GTF3C1: variants seen among roughly 807,000 people sequenced by gnomAD.
GTF3C1 encodes general transcription factor 3C polypeptide 1.
A neutral mutation model predicts 226.7 loss-of-function variants in GTF3C1; 57 were observed. The ratio of observed to expected loss-of-function variants is 0.25; its 90% confidence interval spans 0.20 to 0.31. The LOEUF (loss-of-function observed/expected upper bound fraction) is 0.31. Ranked by LOEUF, GTF3C1 falls within the 10% of genes least tolerant of loss-of-function variation. The pLI, the probability that GTF3C1 is intolerant of heterozygous loss-of-function variation, is 1.00. For synonymous variants in GTF3C1, 1,090 were observed against 1,084.8 expected (o/e 1.00, Z -0.09); for missense variants, 2,217 against 2,776.1 (o/e 0.80, Z 4.53).
chr16:27,509,615 G>A (rs1017067885), intron 7 of GTF3C1, among the ~76,000 whole-genome samples: 4 of 151,794 alleles, frequency 2.6e-5, no homozygotes, highest in East Asian at 1.9e-4. Context: ...AAAATTAGCC[G>A]GGTGTGGTGG....
chr16:27,548,822 T>C lies in GTF3C1; in HGVS notation c.221+848A>G, dbSNP rs77688678. ...GGAGTTTAATCAAGTGAGGATCAAG[T>C]GAGTTTAAGCTCCTAAAGCTTCTAG... On this transcript the variant is annotated intron_variant, in intron 1 of 36. Transcript: ENST00000356183. Among the ~76,000 whole-genome samples the C allele has an allele frequency of 5.3e-3, 814 of 152,278 alleles. 10 individuals carry two copies. The highest frequency in any genetic ancestry group is 0.019 in the African/African-American group (779 of 41,546).
intron 7 of GTF3C1, among the ~76,000 whole-genome samples, chr16:27,510,093 ATAGAAAAT>A (rs2088550729): frequency 6.6e-6 from 1 of 152,168 alleles, no homozygotes; most frequent in Non-Finnish European, 1.5e-5. Flanking sequence ...TACTAAAGAA[ATAGAAAAT>A]TAGTCCGGAC....
chr16:27,546,274 C>A (rs2089160605), intron 1 of GTF3C1, among the ~76,000 whole-genome samples: 1 of 152,100 alleles, frequency 6.6e-6, no homozygotes, highest in South Asian at 2.1e-4. Context: ...AATCCTCAGT[C>A]CTTTTTCTCC....
Position 27,470,203 on chromosome 16 carries a change from G to T in GTF3C1, c.4719C>A (p.Thr1573=), listed in dbSNP as rs778224697. ...GPGGNCVAVL[T]LFSLGLISVD... The stretch of plus-strand genomic sequence containing the variant: ...CAGAAATGAGGCCCAGAGAGAAGAG[G>T]GTCAGGACGGCCACACAATTTCCTC... Residue 1573 remains threonine (T), a synonymous_variant, in exon 31 of 37, where the codon ACC becomes ACA. Coordinates refer to ENST00000356183, the MANE Select transcript of GTF3C1 (RefSeq NM_001520.4). The surrounding 1 kb of genome is among the most constrained non-coding windows in gnomAD (Gnocchi z 4.9). 6.2e-6 allele frequency: 10 copies of T among 1,613,218 alleles called. No homozygotes were observed. The highest frequency in any genetic ancestry group is 1.7e-6 in the Non-Finnish European group (2 of 1,179,274).
At position 27,471,907 on chromosome 16, in the gene GTF3C1, T is replaced by A. The variant is rs769068811; in HGVS notation, c.4367A>T (p.Tyr1456Phe). 1 of 1,613,962 alleles carries A rather than the reference T, an allele frequency of 6.2e-7. No individual in the cohort carries two copies. Among genetic ancestry groups the A allele is most frequent in the Non-Finnish European group, 8.5e-7 (1 of 1,179,962 alleles). The change falls in exon 30 of 37, where the codon TAT (tyrosine) becomes TTT (phenylalanine). Residue 1456 changes from tyrosine (Y) to phenylalanine (F), a missense_variant. This residue lies in a region of GTF3C1 where 546 missense variants were observed against 663.0 expected (regional missense o/e 0.82). Transcript: ENST00000356183. This position sits in a 1 kb window ranked among gnomAD's most constrained non-coding sequence, Gnocchi z 5.0. Reference sequence around the variant, plus strand: ...AAGAACGTGGTCCTTGTACTCCCGATAGAGGCGGAAAGTCTGCAACACAGG... The same window carrying A: ...AAGAACGTGGTCCTTGTACTCCCGAAAGAGGCGGAAAGTCTGCAACACAGG... ...SYQSFQTFRL[Y>F]REYKDHVLVK... is the part of the protein sequence containing the mutation.
At chr16:27,479,331 G>C (rs1367475135) in intron 27 of GTF3C1, among the ~76,000 whole-genome samples, 1 of 151,100 alleles carries the variant, frequency 6.6e-6, no homozygotes, top group East Asian at 1.9e-4. Context: ...TTTTTTTTGA[G>C]TTTCATGTAA....
chr16:27,511,943 A>T, intron 6 of GTF3C1, 42 bp from the exon 7 acceptor site: 1 of 1,609,544 alleles, frequency 6.2e-7, no homozygotes, highest in South Asian at 1.1e-5. Context: ...GAGTGAAAGC[A>T]GTGCTGCGTG....
chr16:27,512,005 A>T (rs2088580926), intron 6 of GTF3C1, 104 bp from the exon 7 acceptor site: 1 of 1,298,866 alleles, frequency 7.7e-7, no homozygotes, highest in South Asian at 1.3e-5. Flanking sequence ...AGAGACAGAG[A>T]TCCCCACAAA....
At chr16:27,478,352 G>T (rs1243751968) in intron 28 of GTF3C1, 117 bp downstream of exon 28, 3 of 737,660 alleles carry the variant, frequency 4.1e-6, no homozygotes, top group East Asian at 2.6e-5. Context: ...GTAAAATTTT[G>T]TTCACACAAA....
At chr16:27,489,785 C>A in intron 19 of GTF3C1, 42 bp from the exon 20 acceptor site, 1 of 1,591,140 alleles carries the variant, frequency 6.3e-7, no homozygotes, top group Non-Finnish European at 8.6e-7. Flanking sequence ...CGCCTTCCTG[C>A]TGCAGCTCTG....
Position 27,461,488 on chromosome 16 carries a change from G to T in GTF3C1, c.6192C>A (p.Pro2064=). 1.9e-6 allele frequency: 3 copies of T among 1,613,860 alleles called. No individual in the cohort carries two copies. The highest frequency in any genetic ancestry group is 2.5e-6 in the Non-Finnish European group (3 of 1,179,794). The change falls in exon 37 of 37, where the codon CCC becomes CCA. Residue 2064 remains proline, a synonymous_variant. Coordinates refer to ENST00000356183, the MANE Select transcript of GTF3C1 (RefSeq NM_001520.4). The surrounding 1 kb of genome is among the most constrained non-coding windows in gnomAD (Gnocchi z 5.3). ...KPRPVSLFST[P]VVEEVEVPSS... ...AGGGCACTTCCACCTCTTCCACCAC[G>T]GGTGTAGAGAAGAGCGAGACAGGCC...
At chr16:27,509,083 T>C (rs542923995) in intron 7 of GTF3C1, among the ~76,000 whole-genome samples, 3 of 152,380 alleles carry the variant, frequency 2.0e-5, no homozygotes, top group South Asian at 4.1e-4. Flanking sequence ...TTAATGTGTA[T>C]TCTTCATTTC....
chr16:27,489,242 G>A (rs1349206885), intron 20 of GTF3C1, 64 bp from the exon 21 acceptor site: 2 of 1,571,044 alleles, frequency 1.3e-6, no homozygotes, highest in African/African-American at 2.7e-5. Context: ...GAGAGCCCAT[G>A]GCATGGGTTG....
At chr16:27,528,539 T>TAGAAGACAGA (rs1181804954) in intron 6 of GTF3C1, 59 bp downstream of exon 6, 24 of 1,377,022 alleles carry the variant, frequency 1.7e-5, no homozygotes, top group Non-Finnish European at 2.3e-5. Flanking sequence ...GGCTGAAGCT[T>TAGAAGACAGA]AGAAGACAGA....
intron 2 of GTF3C1, among the ~76,000 whole-genome samples, chr16:27,544,807 G>T (rs1304668118): frequency 6.6e-6 from 1 of 152,136 alleles, no homozygotes; most frequent in African/African-American, 2.4e-5. Context: ...GAGCACAAAG[G>T]AAAGAGAAAG....
chr16:27,518,169 C>A (rs948841617), intron 6 of GTF3C1, among the ~76,000 whole-genome samples: 1 of 151,906 alleles, frequency 6.6e-6, no homozygotes, highest in Non-Finnish European at 1.5e-5. Context: ...AGTGTTACCT[C>A]CCCACCACCC....
At chr16:27,482,118 TG>T (rs1181425684) in intron 26 of GTF3C1, among the ~76,000 whole-genome samples, 2 of 152,184 alleles carry the variant, frequency 1.3e-5, no homozygotes, top group Non-Finnish European at 2.9e-5. Flanking sequence ...AAGGGCCATG[TG>T]GGTCTATTGC....
chr16:27,466,888 C>G (rs1347034581), intron 32 of GTF3C1, among the ~76,000 whole-genome samples: 1 of 152,222 alleles, frequency 6.6e-6, no homozygotes, highest in East Asian at 1.9e-4. Flanking sequence ...CTCTTCAATT[C>G]TATGAAGGCT....
intron 14 of GTF3C1, among the ~76,000 whole-genome samples, chr16:27,496,530 A>G (rs1346006663): frequency 6.6e-6 from 1 of 152,164 alleles, no homozygotes; most frequent in Non-Finnish European, 1.5e-5. Flanking sequence ...CTCCTGCCTC[A>G]GCCTCCCAAG....
Sources: allele counts gnomAD v4.1 joint callset (sites outside exome capture counted in the v4.1 genomes callset), GRCh38; gene constraint gnomAD v4.1.1; regional missense constraint gnomAD v4.1.1; non-coding constraint Gnocchi (gnomAD v3.1); transcripts MANE v1.5; gene names NCBI Gene and HGNC (gene_info 2026-07-23, HGNC 2026-07-21).